Variants in NTRK3 observed in about 807,000 individuals in gnomAD.
NTRK3 encodes the protein NT-3 growth factor receptor.
Under a neutral mutation model 91.7 loss-of-function variants are expected in NTRK3, and 24 were observed. The observed-to-expected ratio is 0.26, with a 90% confidence interval of 0.19 to 0.37. The LOEUF (loss-of-function observed/expected upper bound fraction) is 0.37, where lower values mean the gene tolerates loss of function less well. NTRK3 is among the 10% of genes least tolerant of loss of function. The pLI, the probability that NTRK3 is intolerant of heterozygous loss-of-function variation, is 1.00. For synonymous variants in NTRK3, 483 were observed against 404.0 expected (o/e 1.20, Z -2.34); for missense variants, 880 against 1,068.9 (o/e 0.82, Z 2.46).
intron 14 of NTRK3, among the ~76,000 whole-genome samples, chr15:88,026,837 C>A (rs2078082629): frequency 6.6e-6 from 1 of 152,098 alleles, no homozygotes; most frequent in Non-Finnish European, 1.5e-5. Flanking sequence ...AAATTAACCC[C>A]AGGGCCAGGT....
intron 13 of NTRK3, among the ~76,000 whole-genome samples, chr15:88,094,744 C>T (rs2049405824): frequency 6.6e-6 from 1 of 152,172 alleles, no homozygotes; most frequent in Non-Finnish European, 1.5e-5. Context: ...CTGAGCAAGG[C>T]CCCAGTGCCC....
chr15:88,085,843 T>C (rs915617629), intron 13 of NTRK3, among the ~76,000 whole-genome samples: 2 of 152,206 alleles, frequency 1.3e-5, no homozygotes, highest in Non-Finnish European at 2.9e-5. Flanking sequence ...CAAACATCTA[T>C]TAAATGCTGG....
At chr15:87,924,352 A>T (rs2068118100) in intron 17 of NTRK3, among the ~76,000 whole-genome samples, 1 of 152,082 alleles carries the variant, frequency 6.6e-6, no homozygotes, top group Admixed American at 6.5e-5. Flanking sequence ...CTTCCTAAGG[A>T]TTACTGTTAC....
chr15:88,174,336 A>G (rs1264446443), intron 5 of NTRK3, among the ~76,000 whole-genome samples: 1 of 152,146 alleles, frequency 6.6e-6, no homozygotes, highest in African/African-American at 2.4e-5. Flanking sequence ...GATGTGCAAG[A>G]TGTGGCCACC....
intron 3 of NTRK3, among the ~76,000 whole-genome samples, chr15:88,185,244 C>T (rs929341660): frequency 2.6e-5 from 4 of 152,174 alleles, no homozygotes; most frequent in Non-Finnish European, 5.9e-5. Context: ...ATATAAATCA[C>T]TATTAACCAG....
chr15:87,915,192 T>G (rs925462638), intron 17 of NTRK3, among the ~76,000 whole-genome samples: 1 of 152,224 alleles, frequency 6.6e-6, no homozygotes, highest in African/African-American at 2.4e-5. Context: ...CATATGCATA[T>G]ACACTTGCAT....
At chr15:88,053,934 G>GTCAT (rs2045457548) in intron 13 of NTRK3, among the ~76,000 whole-genome samples, 1 of 152,196 alleles carries the variant, frequency 6.6e-6, no homozygotes, top group Non-Finnish European at 1.5e-5. Flanking sequence ...AAAAGGTACT[G>GTCAT]ATTAATATGA....
intron 5 of NTRK3, among the ~76,000 whole-genome samples, chr15:88,153,772 G>A (rs58911780): frequency 0.014 from 2,154 of 151,854 alleles, 52 homozygotes; most frequent in African/African-American, 0.048. Flanking sequence ...ATGGTAGAAG[G>A]GGCTAGCTAG....
chr15:88,069,449 C>T (rs147313066), intron 13 of NTRK3, among the ~76,000 whole-genome samples: 34 of 152,310 alleles, frequency 2.2e-4, no homozygotes, highest in African/African-American at 6.3e-4. Flanking sequence ...GGCATGCTAA[C>T]ACCTGGGATT....
chr15:87,911,506 G>A (rs185367748), intron 17 of NTRK3, among the ~76,000 whole-genome samples: 7 of 152,244 alleles, frequency 4.6e-5, no homozygotes, highest in East Asian at 3.9e-4. Flanking sequence ...CTTGTAGGAC[G>A]GTCTGTTCCA....
At chr15:88,035,974 G>C (rs907129161) in intron 13 of NTRK3, among the ~76,000 whole-genome samples, 1 of 150,852 alleles carries the variant, frequency 6.6e-6, no homozygotes, top group Non-Finnish European at 1.5e-5. Flanking sequence ...GGAAAGAGGT[G>C]GTAAATAAAA....
intron 14 of NTRK3, among the ~76,000 whole-genome samples, chr15:87,987,349 C>T (rs951993778): frequency 3.9e-5 from 6 of 152,242 alleles, no homozygotes; most frequent in Non-Finnish European, 5.9e-5. Context: ...GATGTTATCT[C>T]CTTGTAGTTT....
chr15:88,039,756 CACG>C (rs1485775666), intron 13 of NTRK3, among the ~76,000 whole-genome samples: 1 of 152,204 alleles, frequency 6.6e-6, no homozygotes, highest in Non-Finnish European at 1.5e-5. Context: ...GCAGTTTTGC[CACG>C]ACAATACATT....
intron 5 of NTRK3, among the ~76,000 whole-genome samples, chr15:88,150,799 A>G (rs1009147390): frequency 6.6e-6 from 1 of 152,202 alleles, no homozygotes; most frequent in Admixed American, 6.5e-5. Context: ...TACACACCAC[A>G]AAACAAGCAG....
chr15:88,092,179 A>C (rs1001859039), intron 13 of NTRK3, among the ~76,000 whole-genome samples: 1 of 152,122 alleles, frequency 6.6e-6, no homozygotes. Flanking sequence ...ACAACCTGGC[A>C]ACTCCCCCAG....
intron 13 of NTRK3, among the ~76,000 whole-genome samples, chr15:88,033,745 C>G (rs1396226229): frequency 2.0e-5 from 3 of 152,160 alleles, no homozygotes; most frequent in Admixed American, 6.5e-5. Flanking sequence ...GCTGGAAAAT[C>G]AAGGTAAATT....
intron 17 of NTRK3, among the ~76,000 whole-genome samples, chr15:87,890,791 G>A (rs1475378035): frequency 6.6e-6 from 1 of 152,004 alleles, no homozygotes; most frequent in Non-Finnish European, 1.5e-5. Flanking sequence ...TCCCACTCCA[G>A]CCTTTGAATC....
At chr15:87,978,220 C>T (rs62019227) in intron 14 of NTRK3, 11,600 of 230,128 alleles carry the variant, frequency 0.05, 397 homozygotes, top group South Asian at 0.11. Context: ...ATGGGGGAAG[C>T]GAGCCCCCTC....
intron 13 of NTRK3, among the ~76,000 whole-genome samples, chr15:88,110,964 C>T (rs932869319): frequency 6.6e-6 from 1 of 152,136 alleles, no homozygotes; most frequent in Admixed American, 6.5e-5. Flanking sequence ...AGAGAAGGGA[C>T]AACTTCAGGA....
Sources: allele counts gnomAD v4.1 joint callset (sites outside exome capture counted in the v4.1 genomes callset), GRCh38; gene constraint gnomAD v4.1.1; transcripts MANE v1.5; gene names NCBI Gene and HGNC (gene_info 2026-07-23, HGNC 2026-07-21).